Variants in DGCR8 observed in about 807,000 individuals in gnomAD.
DGCR8 encodes the protein DGCR8 microprocessor complex subunit, also known as microprocessor complex subunit DGCR8.
A neutral mutation model predicts 78.5 loss-of-function variants in DGCR8; 14 were observed. The observed-to-expected ratio is 0.18, with a 90% CI of 0.12 to 0.28. DGCR8 has a LOEUF of 0.28. Ranked by LOEUF, DGCR8 falls within the 10% of genes least tolerant of loss-of-function variation. The pLI is 1.00. For synonymous variants in DGCR8, 399 were observed against 402.4 expected, an observed-to-expected ratio of 0.99 and a Z score of 0.10; for missense variants, 702 against 1,022.5, an observed-to-expected ratio of 0.69 and a Z score of 4.28.
At position 20,110,568 on chromosome 22, in the gene DGCR8, G is replaced by A. The variant is rs1207104029; in HGVS notation, c.*460G>A. On this transcript the variant is annotated 3_prime_UTR_variant, in exon 14 of 14. Coordinates refer to ENST00000351989, the MANE Select transcript of DGCR8 (RefSeq NM_022720.7). ...CCAGGGCGCCTGCAGGGCTGCTACA[G>A]GGACCTGGTCAGGAGGTGCACATGG... is the stretch of plus-strand genomic sequence containing the variant. The A allele has an allele frequency of 1.9e-5, 3 of 160,468 alleles. No homozygotes were observed. Among genetic ancestry groups the A allele is most frequent in the African/African-American group, 7.2e-5 (3 of 41,736 alleles). The allele number at this position is 160,468 out of a possible 1,614,324, so 9.9% of individuals were successfully genotyped here.
chr22:20,080,524 C>G, intron 1 of DGCR8, 141 bp downstream of exon 1: 1 of 972,910 alleles, frequency 1.0e-6, no homozygotes, highest in Non-Finnish European at 1.2e-6. Context: ...CTTTGTGAGG[C>G]AACATGGCCG....
chr22:20,091,704 T>A, intron 6 of DGCR8, 72 bp downstream of exon 6: 1 of 1,573,596 alleles, frequency 6.4e-7, no homozygotes, highest in Non-Finnish European at 8.7e-7. Flanking sequence ...GTTGAGGGCA[T>A]GTTTTATGAG....
At position 20,083,838 on chromosome 22, in the gene DGCR8, A is replaced by G. The variant is rs174888; in HGVS notation, c.-277-1849A>G. On this transcript the variant is annotated intron_variant, in intron 1 of 13. Coordinates refer to ENST00000351989, the MANE Select transcript of DGCR8 (RefSeq NM_022720.7). Reference sequence around the variant, plus strand: ...GTTGCCAGGAGACTGACCTCACCCCACTTAGTGTTCCTCATGCCTGCCTGG... The same window carrying G: ...GTTGCCAGGAGACTGACCTCACCCCGCTTAGTGTTCCTCATGCCTGCCTGG... 1.9e-4 allele frequency among the ~76,000 whole-genome samples: 29 copies of G among 151,872 alleles called. No individual in the cohort carries two copies. In the South Asian group the frequency reaches 5.2e-3, roughly 27 times the overall value.
At chr22:20,088,953 T>TA (rs1266203540) in intron 3 of DGCR8, among the ~76,000 whole-genome samples, 2 of 152,220 alleles carry the variant, frequency 1.3e-5, no homozygotes, top group Non-Finnish European at 2.9e-5. Context: ...TGGATAATTT[T>TA]AAAAAGTTTT....
At chr22:20,095,795 C>T in intron 9 of DGCR8, among the ~76,000 whole-genome samples, 1 of 152,004 alleles carries the variant, frequency 6.6e-6, no homozygotes, top group East Asian at 1.9e-4. Context: ...TAATATAAAA[C>T]CAGTGGGAGC....
intron 9 of DGCR8, chr22:20,101,133 C>A: frequency 4.4e-6 from 4 of 902,922 alleles, no homozygotes; most frequent in African/African-American, 1.8e-5. Flanking sequence ...AAAAGACAAA[C>A]CTAGCACTCA....
intron 1 of DGCR8, among the ~76,000 whole-genome samples, chr22:20,083,586 C>T (rs972577240): frequency 2.0e-5 from 3 of 152,098 alleles, no homozygotes; most frequent in African/African-American, 4.8e-5. Flanking sequence ...GCTGCTTCTT[C>T]GCCTTCTGTG....
chr22:20,110,814 C>T lies in DGCR8; in HGVS notation c.*706C>T, dbSNP rs1376803176. 2.7e-5 allele frequency: 5 copies of T among 183,090 alleles called. No individual in the cohort carries two copies. The Admixed American group carries it at 3.1e-4, about 11-fold the overall frequency. The allele number at this position is 183,090 out of a possible 1,614,324, so 11.3% of individuals were successfully genotyped here. A position where few individuals can be genotyped will look rare whatever the true frequency, so the allele number is the denominator to read the frequency against. On this transcript the variant is annotated 3_prime_UTR_variant, in exon 14 of 14. Transcript: ENST00000351989. Reference sequence around the variant, plus strand: ...GAGTTACCCTGGCCTCCTAGGGTCCCTTTTTCTGATGAAGTCTTAATTCCC... The same window carrying T: ...GAGTTACCCTGGCCTCCTAGGGTCCTTTTTTCTGATGAAGTCTTAATTCCC...
Position 20,110,400 on chromosome 22 carries a change from G to T in DGCR8, c.*292G>T, listed in dbSNP as rs947309748. The T allele has an allele frequency of 2.1e-5, 8 of 388,514 alleles. No homozygotes were observed. The highest frequency in any genetic ancestry group is 8.7e-5 in the Admixed American group (2 of 22,880). 24.1% of individuals were successfully genotyped at this position (388,514 alleles called of 1,614,324 possible). ...GGACAGTGGTGGACCCTGCTTCTGT[G>T]CACCTGCTGCAGGCTCTTTTTATGA... is the stretch of plus-strand genomic sequence containing the variant. On this transcript the variant is annotated 3_prime_UTR_variant, in exon 14 of 14. Transcript: ENST00000351989.
At position 20,089,784 on chromosome 22, in the gene DGCR8, A is replaced by G. The variant is rs770672496; in HGVS notation, c.996A>G (p.Pro332=). 5.0e-6 allele frequency: 8 copies of G among 1,613,928 alleles called. No individual in the cohort carries two copies. In the East Asian group the frequency reaches 1.3e-4, roughly 27 times the overall value. Residue 332 remains proline (P), a synonymous_variant, in exon 4 of 14, where the codon CCA becomes CCG. Transcript: ENST00000351989. This position sits in a 1 kb window ranked among gnomAD's most constrained non-coding sequence, Gnocchi z 4.9. ...CTCGGGTGGTCACCTGGTCCAGGCC[A>G]TACTTCTTGGGAACGGGAAGCATAC... The part of the protein sequence containing the change: ...RESRVVTWSR[P]YFLGTGSIRK...
At chr22:20,108,682 C>G (rs1602498796) in intron 12 of DGCR8, 2 of 426,260 alleles carry the variant, frequency 4.7e-6, no homozygotes, top group East Asian at 4.9e-5. Context: ...ATGGACTGCC[C>G]CTCGCTCTCT....
At position 20,089,940 on chromosome 22, in the gene DGCR8, T is replaced by A. The variant is rs1322950684; in HGVS notation, c.1024-36T>A. Reference sequence around the variant, plus strand: ...ATCAGAGTTTCAGACTCTCGGGTTGTCCTTGTAATCCATATTGCAATTTCA... The same window carrying A: ...ATCAGAGTTTCAGACTCTCGGGTTGACCTTGTAATCCATATTGCAATTTCA... On this transcript the variant is annotated intron_variant, in intron 4 of 13. Coordinates refer to ENST00000351989, the MANE Select transcript of DGCR8 (RefSeq NM_022720.7). This position sits in a 1 kb window ranked among gnomAD's most constrained non-coding sequence, Gnocchi z 4.9. 6.3e-7 allele frequency: 1 copy of A among 1,590,332 alleles called. No homozygotes were observed. The highest frequency in any genetic ancestry group is 1.1e-5 in the South Asian group (1 of 87,474).
intron 9 of DGCR8, chr22:20,100,257 G>C: frequency 1.5e-6 from 1 of 676,180 alleles, no homozygotes; most frequent in South Asian, 6.6e-5. Flanking sequence ...AGTAGAGATG[G>C]GGTTTCACCG....
chr22:20,086,787 C>G lies in DGCR8; in HGVS notation c.720+104C>G, dbSNP rs1476542203. 2.7e-5 allele frequency: 29 copies of G among 1,091,734 alleles called. No homozygotes were observed. In the South Asian group the frequency reaches 4.6e-4, roughly 17 times the overall value. 67.6% of individuals were successfully genotyped at this position (1,091,734 alleles called of 1,614,324 possible). ...GCAGGGAAATTAAAAAAAAAAAAAA[C>G]AAAAACCAAAATCCCCTCTGAGGTG... is the stretch of plus-strand genomic sequence containing the variant. On this transcript the variant is annotated intron_variant, in intron 2 of 13. Transcript: ENST00000351989. The surrounding 1 kb of genome is among the most constrained non-coding windows in gnomAD (Gnocchi z 6.4).
chr22:20,111,793 G>A lies in DGCR8; in HGVS notation c.*1685G>A, dbSNP rs1242746241. 4.5e-6 allele frequency: 1 copy of A among 221,696 alleles called. No individual in the cohort carries two copies. Among genetic ancestry groups the A allele is most frequent in the African/African-American group, 2.3e-5 (1 of 43,468 alleles). The allele number at this position is 221,696 out of a possible 1,614,324, so 13.7% of individuals were successfully genotyped here. ...TCAAGGCCGGGGCAGGGGAGCCTGT[G>A]CTGATGCCATCCAGGGCACTGGGCT... On this transcript the variant is annotated 3_prime_UTR_variant, in exon 14 of 14. Coordinates refer to ENST00000351989, the MANE Select transcript of DGCR8 (RefSeq NM_022720.7).
At chr22:20,109,084 C>A (rs2049804750) in intron 13 of DGCR8, 81 bp downstream of exon 13, 1 of 763,684 alleles carries the variant, frequency 1.3e-6, no homozygotes, top group African/African-American at 1.7e-5. Context: ...ACCCCAGGAC[C>A]CGTGCCTGAG....
chr22:20,104,410 A>G (rs1602495063), intron 9 of DGCR8, among the ~76,000 whole-genome samples: 1 of 148,742 alleles, frequency 6.7e-6, no homozygotes, highest in South Asian at 2.1e-4. Flanking sequence ...CTCGTGATCC[A>G]CCCGCCTCGG....
At chr22:20,108,796 T>TACCTTGCCAGACCCTGGGCAC in intron 12 of DGCR8, 94 bp from the exon 13 acceptor site, 3 of 814,278 alleles carry the variant, frequency 3.7e-6, no homozygotes, top group Non-Finnish European at 2.2e-6. Flanking sequence ...TGGGCGCGCC[T>TACCTTGCCAGACCCTGGGCAC]GCCTTCAGGG....
chr22:20,091,768 T>G (rs1424112793), intron 6 of DGCR8, 101 bp from the exon 7 acceptor site: 1 of 1,489,536 alleles, frequency 6.7e-7, no homozygotes, highest in African/African-American at 1.4e-5. Context: ...GTCTGCCACA[T>G]TCACGGTCGT....
Sources: allele counts gnomAD v4.1 joint callset (sites outside exome capture counted in the v4.1 genomes callset), GRCh38; gene constraint gnomAD v4.1.1; non-coding constraint Gnocchi (gnomAD v3.1); transcripts MANE v1.5; gene names NCBI Gene and HGNC (gene_info 2026-07-23, HGNC 2026-07-21).